The following SPMIP3 variants were observed in gnomAD, a reference collection of about 807,000 sequenced individuals.
SPMIP3 encodes the protein protein SPMIP3.
the SPMIP3 span, among the ~76,000 whole-genome samples, chr1:244,386,803 T>C: frequency 6.6e-6 from 1 of 152,206 alleles, no homozygotes; most frequent in African/African-American, 2.4e-5. Context: ...GAGATACTGT[T>C]GAAGCACTAA....
the SPMIP3 span, chr1:244,352,735 G>A: frequency 2.0e-5 from 3 of 152,214 alleles, no homozygotes; most frequent in African/African-American, 7.2e-5. Flanking sequence ...GCCCAAGCAG[G>A]TAATAGCGGT....
chr1:244,365,569 C>T, the SPMIP3 span, among the ~76,000 whole-genome samples: 18 of 152,260 alleles, frequency 1.2e-4, no homozygotes, highest in East Asian at 5.8e-4. Context: ...TACCCAGTCT[C>T]GGGTATTTCT....
the SPMIP3 span, among the ~76,000 whole-genome samples, chr1:244,362,151 T>C: frequency 6.6e-6 from 1 of 152,142 alleles, no homozygotes; most frequent in Non-Finnish European, 1.5e-5. Flanking sequence ...CACACTCAGG[T>C]GAAATAAAGC....
At chr1:244,368,266 T>C in the SPMIP3 span, among the ~76,000 whole-genome samples, 1 of 152,184 alleles carries the variant, frequency 6.6e-6, no homozygotes, top group Non-Finnish European at 1.5e-5. Context: ...GCCTACTTTA[T>C]CTGTTTCTTT....
At chr1:244,382,264 T>C in the SPMIP3 span, among the ~76,000 whole-genome samples, 1 of 151,512 alleles carries the variant, frequency 6.6e-6, no homozygotes, top group Non-Finnish European at 1.5e-5. Flanking sequence ...ATATGGGAAA[T>C]AAGCAGGGAG....
the SPMIP3 span, chr1:244,364,770 A>G: frequency 1.5e-3 from 2,476 of 1,613,894 alleles, 6 homozygotes; most frequent in Non-Finnish European, 1.4e-3. Context: ...TAGTTCTTCC[A>G]GATGCACAGC....
At chr1:244,373,332 T>TTATATATATATATATATATATA in the SPMIP3 span, among the ~76,000 whole-genome samples, 67 of 85,180 alleles carry the variant, frequency 7.9e-4, 5 homozygotes, top group Middle Eastern at 0.014. Flanking sequence ...CAAAAAAAAA[T>TTATATATATATATATATATATA]TATATATATA....
chr1:244,378,550 T>C, the SPMIP3 span: 2 of 1,613,788 alleles, frequency 1.2e-6, no homozygotes, highest in East Asian at 2.2e-5. Context: ...ATTCGATATA[T>C]TTGTCTTCGA....
chr1:244,381,177 G>T, the SPMIP3 span, among the ~76,000 whole-genome samples: 4 of 152,032 alleles, frequency 2.6e-5, no homozygotes, highest in Admixed American at 6.6e-5. Context: ...GGCAGTAGAA[G>T]TTGCTGGGGG....
At chr1:244,378,101 C>T in the SPMIP3 span, among the ~76,000 whole-genome samples, 1 of 152,196 alleles carries the variant, frequency 6.6e-6, no homozygotes, top group Admixed American at 6.5e-5. Context: ...GCCACCACAC[C>T]AGGCCTGCAC....
chr1:244,352,726 C>G, the SPMIP3 span: 1 of 152,334 alleles, frequency 6.6e-6, no homozygotes, highest in African/African-American at 2.4e-5. Flanking sequence ...CCCACGGCAG[C>G]CCAAGCAGGT....
At chr1:244,358,637 A>G in the SPMIP3 span, among the ~76,000 whole-genome samples, 2 of 151,884 alleles carry the variant, frequency 1.3e-5, no homozygotes, top group African/African-American at 4.8e-5. Flanking sequence ...ATATATATAT[A>G]TACACACACA....
the SPMIP3 span, chr1:244,375,420 G>T: frequency 1.2e-6 from 2 of 1,613,866 alleles, no homozygotes; most frequent in African/African-American, 2.7e-5. Flanking sequence ...ATTACCCTGG[G>T]CAGCTGGCAA....
At chr1:244,367,182 T>C in the SPMIP3 span, among the ~76,000 whole-genome samples, 1 of 151,904 alleles carries the variant, frequency 6.6e-6, no homozygotes, top group African/African-American at 2.4e-5. Flanking sequence ...TGGGAGAAGG[T>C]TGGGACGGTA....
the SPMIP3 span, among the ~76,000 whole-genome samples, chr1:244,360,550 A>AGC: frequency 1.6e-5 from 1 of 62,204 alleles, no homozygotes; most frequent in Non-Finnish European, 3.5e-5. Context: ...ACACACACAC[A>AGC]CACACACATG....
At chr1:244,354,826 G>A in the SPMIP3 span, among the ~76,000 whole-genome samples, 5 of 152,222 alleles carry the variant, frequency 3.3e-5, no homozygotes, top group Non-Finnish European at 7.3e-5. Flanking sequence ...ATGTGACTTA[G>A]ACCTCTGAAA....
the SPMIP3 span, among the ~76,000 whole-genome samples, chr1:244,357,263 T>C: frequency 7.8e-6 from 1 of 128,282 alleles, no homozygotes; most frequent in Non-Finnish European, 1.8e-5. Flanking sequence ...TAAGTAAACG[T>C]ACAGTATGGC....
chr1:244,375,671 T>C, the SPMIP3 span, among the ~76,000 whole-genome samples: 24 of 151,966 alleles, frequency 1.6e-4, no homozygotes, highest in Admixed American at 9.8e-4. Flanking sequence ...TTATTTTATA[T>C]CTTGCTGTTT....
the SPMIP3 span, chr1:244,364,671 C>A: frequency 2.5e-6 from 4 of 1,605,344 alleles, no homozygotes; most frequent in South Asian, 4.4e-5. Context: ...ATCCTTTATG[C>A]CATAATTTTT....
Sources: gnomAD v4.1 joint callset for allele counts (sites outside exome capture counted in the v4.1 genomes callset) on GRCh38, gnomAD v4.1.1 for gene constraint, MANE v1.5 for transcripts, NCBI Gene and HGNC (gene_info 2026-07-23, HGNC 2026-07-21) for gene names.